The following ZNF704 variants were observed in gnomAD, a reference collection of about 807,000 sequenced individuals.
ZNF704 encodes glucocorticoid induced gene 1.
In ZNF704, 10 loss-of-function variants were observed where a neutral mutation model predicts 44.7. The ratio of observed to expected loss-of-function variants is 0.22; its 90% CI spans 0.14 to 0.38. The LOEUF is 0.38. Ranked by LOEUF, ZNF704 falls within the 10% of genes least tolerant of loss-of-function variation. The pLI is 1.00. For synonymous variants in ZNF704, 211 were observed against 207.6 expected, an observed-to-expected ratio of 1.02 and a Z score of -0.14; for missense variants, 390 against 545.5, an observed-to-expected ratio of 0.71 and a Z score of 2.84.
At chr8:80,809,416 A>G (rs920326032) in intron 2 of ZNF704, among the ~76,000 whole-genome samples, 2 of 152,236 alleles carry the variant, frequency 1.3e-5, no homozygotes, top group African/African-American at 4.8e-5. Flanking sequence ...ACTCTTAGAA[A>G]AGGGCAGCAA....
intron 2 of ZNF704, among the ~76,000 whole-genome samples, chr8:80,760,451 A>G (rs1181291085): frequency 6.6e-6 from 1 of 152,006 alleles, no homozygotes; most frequent in Admixed American, 6.6e-5. Flanking sequence ...AGGTCAAGAG[A>G]TCGAGACCAT....
chr8:80,882,390 A>G, the ZNF704 span, among the ~76,000 whole-genome samples: 572 of 152,292 alleles, frequency 3.8e-3, 3 homozygotes, highest in African/African-American at 0.013. Context: ...ATAGTTTCCC[A>G]TGTGTTCAAG....
chr8:80,773,271 T>A (rs1309551880), intron 2 of ZNF704, among the ~76,000 whole-genome samples: 1 of 152,202 alleles, frequency 6.6e-6, no homozygotes, highest in Non-Finnish European at 1.5e-5. Flanking sequence ...TACAGTGTTT[T>A]TGAGTGTATC....
At chr8:80,805,608 G>A (rs1465169154) in intron 2 of ZNF704, among the ~76,000 whole-genome samples, 1 of 151,912 alleles carries the variant, frequency 6.6e-6, no homozygotes, top group Admixed American at 6.6e-5. Context: ...TCTTTCTCAT[G>A]AATTTTAACA....
chr8:80,795,602 T>A (rs1807785122), intron 2 of ZNF704, among the ~76,000 whole-genome samples: 1 of 151,842 alleles, frequency 6.6e-6, no homozygotes, highest in Non-Finnish European at 1.5e-5. Flanking sequence ...TTCTGATTCC[T>A]AGCTACTCGG....
intron 1 of ZNF704, among the ~76,000 whole-genome samples, chr8:80,858,183 T>TG (rs1271853906): frequency 1.3e-5 from 2 of 152,248 alleles, no homozygotes; most frequent in African/African-American, 4.8e-5. Flanking sequence ...TGCTAGGAGT[T>TG]TATCAATTTT....
At position 80,854,461 on chromosome 8, in the gene ZNF704, T is replaced by G. The variant is rs192200301; in HGVS notation, c.-22+20110A>C. ...CTGGGCACTGTACTGCAAAAGAATA[T>G]AATTAGAGGAACTTGCCTAACTGTG... On this transcript the variant is annotated intron_variant, in intron 1 of 8. Coordinates refer to ENST00000327835, the MANE Select transcript of ZNF704 (RefSeq NM_001033723.3). 3.0e-4 allele frequency among the ~76,000 whole-genome samples: 45 copies of G among 152,344 alleles called. No individual in the cohort carries two copies. The East Asian group carries it at 6.9e-3, about 23-fold the overall frequency.
At chr8:80,859,275 A>C (rs897139560) in intron 1 of ZNF704, among the ~76,000 whole-genome samples, 2 of 152,232 alleles carry the variant, frequency 1.3e-5, no homozygotes, top group African/African-American at 4.8e-5. Flanking sequence ...AAGATGAAAC[A>C]TGAGACCAGA....
intron 4 of ZNF704, among the ~76,000 whole-genome samples, chr8:80,683,468 G>C (rs1818486406): frequency 6.6e-6 from 1 of 152,148 alleles, no homozygotes; most frequent in Non-Finnish European, 1.5e-5. Context: ...CCACATAGCT[G>C]TAGCTATGTC....
intron 2 of ZNF704, among the ~76,000 whole-genome samples, chr8:80,710,498 T>A (rs1818968048): frequency 6.6e-6 from 1 of 152,130 alleles, no homozygotes; most frequent in Non-Finnish European, 1.5e-5. Context: ...AGTGATTCTA[T>A]CTCCACAATA....
At chr8:80,686,364 C>CT (rs932249239) in intron 4 of ZNF704, among the ~76,000 whole-genome samples, 5 of 151,978 alleles carry the variant, frequency 3.3e-5, no homozygotes, top group African/African-American at 9.7e-5. Context: ...AATTAGATGT[C>CT]TTTTTTTTCT....
intron 4 of ZNF704, among the ~76,000 whole-genome samples, chr8:80,682,191 T>C (rs1275774738): frequency 6.6e-6 from 1 of 152,230 alleles, no homozygotes; most frequent in Non-Finnish European, 1.5e-5. Context: ...TACGGGTTTG[T>C]TTTCTTCTTG....
At chr8:80,803,162 C>A (rs1280178176) in intron 2 of ZNF704, among the ~76,000 whole-genome samples, 1 of 152,062 alleles carries the variant, frequency 6.6e-6, no homozygotes, top group African/African-American at 2.4e-5. Flanking sequence ...AGGAGAAATA[C>A]AAACTACTGC....
intron 2 of ZNF704, among the ~76,000 whole-genome samples, chr8:80,697,047 G>C (rs1038634330): frequency 1.3e-5 from 2 of 152,190 alleles, no homozygotes; most frequent in African/African-American, 4.8e-5. Context: ...TACATGATTT[G>C]TTCCTGAAGC....
intron 2 of ZNF704, among the ~76,000 whole-genome samples, chr8:80,738,279 C>T (rs61460948): frequency 2.6e-5 from 4 of 152,260 alleles, no homozygotes; most frequent in African/African-American, 7.2e-5. Flanking sequence ...CCAGTCACTA[C>T]GTCTAGCCCA....
intron 8 of ZNF704, among the ~76,000 whole-genome samples, chr8:80,642,135 T>A (rs1042615506): frequency 2.0e-5 from 3 of 152,232 alleles, no homozygotes; most frequent in African/African-American, 7.2e-5. Context: ...AGACCTCCAG[T>A]GGATGCCTCA....
intron 1 of ZNF704, among the ~76,000 whole-genome samples, chr8:80,852,516 T>C (rs776897500): frequency 5.9e-5 from 9 of 152,246 alleles, no homozygotes; most frequent in Non-Finnish European, 2.9e-5. Flanking sequence ...TGTGGAAATG[T>C]TGTAATTAAA....
At chr8:80,860,319 G>C (rs1809038036) in intron 1 of ZNF704, among the ~76,000 whole-genome samples, 2 of 152,162 alleles carry the variant, frequency 1.3e-5, no homozygotes. Flanking sequence ...TGTTGAAATG[G>C]GGCAAGTGGA....
chr8:80,670,911 G>A (rs1479344999), intron 4 of ZNF704, among the ~76,000 whole-genome samples: 1 of 152,202 alleles, frequency 6.6e-6, no homozygotes, highest in Non-Finnish European at 1.5e-5. Context: ...CTTACTATGT[G>A]CCAGGTGCTG....
Sources: allele counts gnomAD v4.1 joint callset (sites outside exome capture counted in the v4.1 genomes callset), GRCh38; gene constraint gnomAD v4.1.1; transcripts MANE v1.5; gene names NCBI Gene and HGNC (gene_info 2026-07-23, HGNC 2026-07-21).